Variants in SLC27A6 observed in about 807,000 individuals in gnomAD.
The protein encoded by SLC27A6 is long-chain fatty acid transport protein 6.
In SLC27A6, 74 loss-of-function variants were observed where a neutral mutation model predicts 63.9. That is an observed-to-expected ratio of 1.16 (90% CI 0.96 to 1.40). The LOEUF (loss-of-function observed/expected upper bound fraction) is 1.40. Ranked by LOEUF, SLC27A6 falls within the 40% of genes most tolerant of loss-of-function variation. The pLI is 0.00. For missense variants in SLC27A6, 794 were observed against 732.9 expected (o/e 1.08, Z -0.96); for synonymous variants, 287 against 260.8 (o/e 1.10, Z -0.97).
chr5:128,972,628 A>T (rs182822197), intron 1 of SLC27A6, among the ~76,000 whole-genome samples: 2 of 152,138 alleles, frequency 1.3e-5, no homozygotes, highest in African/African-American at 4.8e-5. Flanking sequence ...ATGTCATTTA[A>T]AGTCCTCTCT....
Position 128,988,641 on chromosome 5 carries a change from AG to A in SLC27A6, c.731del (p.Gly244ValfsTer18). 6.2e-7 allele frequency: 1 copy of A among 1,614,080 alleles called. No individual in the cohort carries two copies. The highest frequency in any genetic ancestry group is 1.1e-5 in the South Asian group (1 of 91,078). On this transcript the variant is annotated frameshift_variant, in exon 3 of 10. Transcript: ENST00000262462. LOFTEE classifies it high-confidence loss of function. ...TGTGATTAGTCAGCTGCAGGTTTTA[AG>A]GGGTTCTGCTGTCCTGTGGGCTTTT... ...AAVISQLQVL[R>X]GSAVLWAFGC...
chr5:129,018,518 A>C (rs185765802), intron 5 of SLC27A6, among the ~76,000 whole-genome samples: 15 of 152,244 alleles, frequency 9.9e-5, no homozygotes, highest in African/African-American at 3.4e-4. Context: ...GTTGACATCT[A>C]AGAAATGCAC....
In SLC27A6 at chr5:128,966,457, CGGTGG is replaced by C. The variant is rs768821589; in HGVS notation, c.321_325del (p.Val108SerfsTer6). Reference sequence around the variant, plus strand: ...CATTCCTCTCTGAAAAAGGGGGACACGGTGGCTCTGCTGATGAGCAATGAGCCGGA... The same window carrying C: ...CATTCCTCTCTGAAAAAGGGGGACACCTCTGCTGATGAGCAATGAGCCGGA... On this transcript the variant is annotated frameshift_variant, in exon 1 of 10. Transcript: ENST00000262462. LOFTEE classifies it high-confidence loss of function. The C allele has an allele frequency of 6.2e-7, 1 of 1,607,632 alleles. No individual in the cohort carries two copies. The highest frequency in any genetic ancestry group is 1.7e-5 in the Admixed American group (1 of 59,228).
chr5:129,029,008 G>A lies in SLC27A6; in HGVS notation c.1552+566G>A, dbSNP rs540266309. ...TTTAGGTGCAGGAGAGATCAGGGAT[G>A]TGAGTGTGTGGATAGGAGAGCAGAA... On this transcript the variant is annotated intron_variant, in intron 8 of 9. Transcript: ENST00000262462. 5.7e-4 allele frequency among the ~76,000 whole-genome samples: 86 copies of A among 152,066 alleles called. 1 individual carries two copies. The South Asian group carries it at 1.0e-2, about 18-fold the overall frequency.
intron 4 of SLC27A6, among the ~76,000 whole-genome samples, chr5:129,005,854 C>G (rs1330066072): frequency 6.7e-6 from 1 of 149,114 alleles, no homozygotes; most frequent in Non-Finnish European, 1.5e-5. Context: ...CCTCGTGATC[C>G]GCCTGCCTCG....
chr5:129,026,202 C>T (rs569522865), intron 6 of SLC27A6, among the ~76,000 whole-genome samples: 6 of 152,154 alleles, frequency 3.9e-5, no homozygotes, highest in African/African-American at 7.2e-5. Flanking sequence ...TTCATCTAGC[C>T]GCATGAACAC....
chr5:129,020,290 TTG>T (rs1445427192), intron 5 of SLC27A6, among the ~76,000 whole-genome samples: 1 of 152,160 alleles, frequency 6.6e-6, no homozygotes, highest in African/African-American at 2.4e-5. Flanking sequence ...CAATATTTCT[TTG>T]TAAAATTCAC....
chr5:128,977,739 A>G (rs576371287), intron 1 of SLC27A6, among the ~76,000 whole-genome samples: 1 of 152,338 alleles, frequency 6.6e-6, no homozygotes, highest in East Asian at 1.9e-4. Flanking sequence ...ACCAAAAATA[A>G]TGTATAAAAA....
chr5:129,005,493 C>A (rs1751488852), intron 4 of SLC27A6, among the ~76,000 whole-genome samples: 1 of 152,190 alleles, frequency 6.6e-6, no homozygotes, highest in Middle Eastern at 3.4e-3. Context: ...AAAGCACCAA[C>A]CAAGTTAGTA....
At chr5:128,969,994 AG>A (rs1316683533) in intron 1 of SLC27A6, among the ~76,000 whole-genome samples, 1 of 152,128 alleles carries the variant, frequency 6.6e-6, no homozygotes, top group Non-Finnish European at 1.5e-5. Flanking sequence ...ATTTTGTCAG[AG>A]GCCTTTTCTG....
intron 3 of SLC27A6, 119 bp downstream of exon 3, chr5:128,988,877 T>C (rs1750880461): frequency 4.4e-6 from 3 of 674,196 alleles, no homozygotes; most frequent in Non-Finnish European, 2.4e-6. Flanking sequence ...TATTATTTTA[T>C]TATAACACAA....
rs550269049 is a variant in SLC27A6, at chr5:128,986,531, A to G, written c.685+1195A>G. On this transcript the variant is annotated intron_variant, in intron 2 of 9. Transcript: ENST00000262462. ...AATTTTTCTTACATTTTAAAAATCT[A>G]TTCAGTTCCTAATTGTAATCCCTTT... is the stretch of plus-strand genomic sequence containing the variant. Among the ~76,000 whole-genome samples the G allele has an allele frequency of 6.4e-4, 98 of 152,318 alleles. 1 individual carries two copies. The highest frequency in any genetic ancestry group is 2.1e-3 in the African/African-American group (87 of 41,574).
At chr5:129,019,293 A>G (rs1316451599) in intron 5 of SLC27A6, among the ~76,000 whole-genome samples, 1 of 152,070 alleles carries the variant, frequency 6.6e-6, no homozygotes, top group Non-Finnish European at 1.5e-5. Flanking sequence ...TTTCTGTAGT[A>G]TTTTCACCTG....
At chr5:128,970,117 C>G (rs1189224460) in intron 1 of SLC27A6, among the ~76,000 whole-genome samples, 3 of 148,034 alleles carry the variant, frequency 2.0e-5, no homozygotes, top group Admixed American at 2.0e-4. Context: ...ATGAAGCCCA[C>G]TTGATCATGG....
At chr5:129,011,204 G>A (rs1751715079) in intron 4 of SLC27A6, among the ~76,000 whole-genome samples, 1 of 152,108 alleles carries the variant, frequency 6.6e-6, no homozygotes, top group Non-Finnish European at 1.5e-5. Context: ...GCATATTTCA[G>A]CATTAGTAGA....
chr5:129,033,198 C>T lies in SLC27A6; in HGVS notation c.1776C>T (p.Tyr592=). 1.2e-6 allele frequency: 2 copies of T among 1,604,210 alleles called. No homozygotes were observed. Among genetic ancestry groups the T allele is most frequent in the East Asian group, 2.3e-5 (1 of 44,242 alleles). ...FNPLKISEPL[Y]FMDNLKKSYV... Reference sequence around the variant, plus strand: ...CACTGAAAATTTCTGAACCACTTTACTTCATGGATAACTTGAAAAAGTCTT... The same window carrying T: ...CACTGAAAATTTCTGAACCACTTTATTTCATGGATAACTTGAAAAAGTCTT... Residue 592 remains tyrosine (Y), a synonymous_variant, in exon 10 of 10, where the codon TAC becomes TAT. Transcript: ENST00000262462.
intron 4 of SLC27A6, among the ~76,000 whole-genome samples, chr5:129,000,931 T>C (rs1751312036): frequency 6.6e-6 from 1 of 152,180 alleles, no homozygotes; most frequent in Admixed American, 6.6e-5. Flanking sequence ...GAGTAAGTAG[T>C]CTGTAAGTAG....
intron 4 of SLC27A6, among the ~76,000 whole-genome samples, chr5:128,994,936 G>A (rs1751105471): frequency 6.6e-6 from 1 of 152,170 alleles, no homozygotes; most frequent in East Asian, 1.9e-4. Flanking sequence ...ATAAACGTTA[G>A]ATGTACTTCT....
At chr5:129,001,546 T>C (rs1234363884) in intron 4 of SLC27A6, among the ~76,000 whole-genome samples, 2 of 152,166 alleles carry the variant, frequency 1.3e-5, no homozygotes, top group African/African-American at 4.8e-5. Context: ...CTAACATATG[T>C]TTATATTTTA....
Sources: allele counts gnomAD v4.1 joint callset (sites outside exome capture counted in the v4.1 genomes callset), GRCh38; gene constraint gnomAD v4.1.1; transcripts MANE v1.5; gene names NCBI Gene and HGNC (gene_info 2026-07-23, HGNC 2026-07-21).